Variants in PRH1 observed in about 807,000 individuals in gnomAD.
PRH1 encodes salivary acidic proline-rich phosphoprotein 1/2.
A neutral mutation model predicts 7.9 loss-of-function variants in PRH1; 7 were observed. That is an observed-to-expected ratio of 0.89 (90% CI 0.50 to 1.67). The LOEUF is 1.67. Among genes scored for constraint, PRH1 ranks in the 40% most tolerant of loss-of-function variants. PRH1 has a pLI of 0.00. For synonymous variants in PRH1, 45 were observed against 80.8 expected, an observed-to-expected ratio of 0.56 and a Z score of 2.38; for missense variants, 109 against 223.6, an observed-to-expected ratio of 0.49 and a Z score of 3.27.
intron 2 of PRH1, among the ~76,000 whole-genome samples, chr12:10,929,822 AT>A (rs1163560525): frequency 6.6e-6 from 1 of 152,000 alleles, no homozygotes; most frequent in South Asian, 2.1e-4. Flanking sequence ...AAATATTGTC[AT>A]TTTTTTCTCT....
Position 11,133,582 on chromosome 12 carries a change from G to C in PRH1, n.40-12402C>G, listed in dbSNP as rs768669118. ...TTTGCAAAGCTTTTATGTGGACCTT[G>C]GTGCTGGGATCTTGAGATCCTTTGC... On this transcript the variant is annotated intron_variant and non_coding_transcript_variant, in intron 1 of 1. Transcript: ENST00000541175. The C allele has an allele frequency of 1.9e-5, 31 of 1,614,104 alleles. No individual in the cohort carries two copies. The African/African-American group carries it at 2.0e-4, about 10-fold the overall frequency.
intron 1 of PRH1, among the ~76,000 whole-genome samples, chr12:11,026,380 C>A (rs1184243007): frequency 1.5e-5 from 2 of 129,964 alleles, no homozygotes; most frequent in Non-Finnish European, 3.4e-5. Flanking sequence ...GGCTCATGTC[C>A]ATTCCAAGGT....
chr12:10,961,653 A>G (rs1042810356), intron 2 of PRH1, among the ~76,000 whole-genome samples: 1 of 152,106 alleles, frequency 6.6e-6, no homozygotes, highest in East Asian at 1.9e-4. Flanking sequence ...GGAACACCAC[A>G]CTGTGGGCCT....
intron 1 of PRH1, among the ~76,000 whole-genome samples, chr12:11,089,708 C>T (rs1334100178): frequency 8.2e-6 from 1 of 121,724 alleles, no homozygotes; most frequent in African/African-American, 2.8e-5. Flanking sequence ...AAATAGTCAA[C>T]TAGAAAATAT....
intron 1 of PRH1, among the ~76,000 whole-genome samples, chr12:11,140,075 ATATT>A (rs1402957152): frequency 2.6e-5 from 4 of 151,844 alleles, no homozygotes; most frequent in Non-Finnish European, 4.4e-5. Flanking sequence ...TATATTATAC[ATATT>A]TATTTATATT....
intron 1 of PRH1, among the ~76,000 whole-genome samples, chr12:11,065,754 G>A (rs2443098): frequency 6.6e-6 from 1 of 151,872 alleles, no homozygotes; most frequent in South Asian, 2.1e-4. Flanking sequence ...CATGAAAATT[G>A]TAGTGATTTT....
chr12:11,029,263 T>C (rs1425414738), intron 1 of PRH1, among the ~76,000 whole-genome samples: 1 of 152,286 alleles, frequency 6.6e-6, no homozygotes, highest in African/African-American at 2.4e-5. Flanking sequence ...ATAATAGAAC[T>C]TCCTATTAAA....
intron 1 of PRH1, among the ~76,000 whole-genome samples, chr12:11,156,107 C>CT (rs903848912): frequency 6.6e-6 from 1 of 152,046 alleles, no homozygotes; most frequent in African/African-American, 2.4e-5. Flanking sequence ...TTTTCAGTAA[C>CT]TTTTTTCTAT....
chr12:10,999,707 T>C (rs1940490796), intron 1 of PRH1, among the ~76,000 whole-genome samples: 1 of 152,150 alleles, frequency 6.6e-6, no homozygotes, highest in African/African-American at 2.4e-5. Flanking sequence ...GCAATATTCA[T>C]AATCTATGAT....
Position 11,163,136 on chromosome 12 carries a change from C to T in PRH1, n.39+8286G>A, listed in dbSNP as rs143123945. Among the ~76,000 whole-genome samples, 597 of 152,044 alleles carry T rather than the reference C, an allele frequency of 3.9e-3. 2 individuals are homozygous for T. Among genetic ancestry groups the T allele is most frequent in the African/African-American group, 0.014 (567 of 41,474 alleles). ...AGCAGCACATATACTAAAGTTGGAA[C>T]AATTACAGAGAATATTAGCATGGCC... On this transcript the variant is annotated intron_variant and non_coding_transcript_variant, in intron 1 of 1. Coordinates refer to the PRH1 transcript ENST00000541175.
rs375751426 is a variant in PRH1, at chr12:11,031,212, A to T, written c.-126+15808T>A. On this transcript the variant is annotated intron_variant, in intron 1 of 3. Coordinates refer to the PRH1 transcript ENST00000539853. Reference sequence around the variant, plus strand: ...GCAGTGAGAATCTGGTCAGCAAAAGAGATCTTTTGTCTCTTGACCCGCTCA... The same window carrying T: ...GCAGTGAGAATCTGGTCAGCAAAAGTGATCTTTTGTCTCTTGACCCGCTCA... The T allele has an allele frequency of 1.9e-6, 3 of 1,614,016 alleles. No homozygotes were observed. The African/African-American group carries it at 4.0e-5, about 22-fold the overall frequency.
chr12:10,939,947 T>C (rs1015157103), intron 2 of PRH1, among the ~76,000 whole-genome samples: 1 of 152,190 alleles, frequency 6.6e-6, no homozygotes, highest in East Asian at 1.9e-4. Context: ...ATAGTAGTCA[T>C]AAATCATAAC....
chr12:10,899,547 G>C (rs73054364), intron 2 of PRH1, among the ~76,000 whole-genome samples: 14,659 of 152,156 alleles, frequency 0.096, 945 homozygotes, highest in Non-Finnish European at 0.14. Flanking sequence ...TTTTTCATGA[G>C]AGTGAATTGT....
downstream of PRH1, among the ~76,000 whole-genome samples, chr12:11,119,549 T>C (rs1213509545): frequency 6.6e-6 from 1 of 152,106 alleles, no homozygotes; most frequent in African/African-American, 2.4e-5. Flanking sequence ...AGACCTACTA[T>C]ATATCCACAA....
chr12:10,965,828 G>A (rs767149048), intron 2 of PRH1, among the ~76,000 whole-genome samples: 15 of 152,156 alleles, frequency 9.9e-5, no homozygotes, highest in Non-Finnish European at 1.9e-4. Flanking sequence ...TTATAACTAG[G>A]ATCATCACCA....
chr12:10,929,463 A>G (rs1205891018), intron 2 of PRH1: 2 of 1,136,568 alleles, frequency 1.8e-6, no homozygotes, highest in African/African-American at 3.1e-5. Flanking sequence ...TTCTCATGCC[A>G]AGGATCAGAA....
intron 1 of PRH1, chr12:11,171,266 C>A (rs1209438238): frequency 3.5e-6 from 3 of 860,926 alleles, no homozygotes; most frequent in South Asian, 1.2e-4. Flanking sequence ...GCTTTGCTTA[C>A]CGTCCTGCCG....
intron 2 of PRH1, among the ~76,000 whole-genome samples, chr12:10,925,566 C>T (rs746551722): frequency 5.3e-5 from 8 of 151,990 alleles, no homozygotes; most frequent in Admixed American, 2.6e-4. Flanking sequence ...TCACAAAAAA[C>T]GAATAAATTT....
chr12:11,147,283 C>G (rs1166894858), intron 1 of PRH1, among the ~76,000 whole-genome samples: 1 of 152,104 alleles, frequency 6.6e-6, no homozygotes, highest in African/African-American at 2.4e-5. Context: ...ATCAGCCTCC[C>G]AAGATCAGAT....
Sources: allele counts gnomAD v4.1 joint callset (sites outside exome capture counted in the v4.1 genomes callset), GRCh38; gene constraint gnomAD v4.1.1; transcripts MANE v1.5; gene names NCBI Gene and HGNC (gene_info 2026-07-23, HGNC 2026-07-21).